VPS13D: variants seen among roughly 807,000 people sequenced by gnomAD.
The protein encoded by VPS13D is vacuolar protein sorting 13 homolog D.
In VPS13D, 187 loss-of-function variants were observed where a neutral mutation model predicts 461.9. That is an observed-to-expected ratio of 0.40 (90% CI 0.36 to 0.46). The LOEUF (loss-of-function observed/expected upper bound fraction) is 0.46, where lower values mean the gene tolerates loss of function less well. Among genes scored for constraint, VPS13D ranks in the 20% least tolerant of loss-of-function variants. The probability of loss-of-function intolerance (pLI) is 0.60; values close to 1 mark genes in which losing one functional copy is unlikely to be tolerated. For synonymous variants in VPS13D, 1,951 were observed against 1,986.3 expected, an observed-to-expected ratio of 0.98 and a Z score of 0.47; for missense variants, 4,711 against 5,364.9, an observed-to-expected ratio of 0.88 and a Z score of 3.81.
At chr1:12,268,604 T>A (rs777304752) in intron 15 of VPS13D, 102 bp from the exon 16 acceptor site, 60 of 1,321,812 alleles carry the variant, frequency 4.5e-5, no homozygotes, top group Non-Finnish European at 6.0e-5. Flanking sequence ...AATTGAAAAA[T>A]AATTTAGAAA....
intron 64 of VPS13D, among the ~76,000 whole-genome samples, chr1:12,415,726 T>C (rs1644785259): frequency 1.3e-5 from 2 of 152,342 alleles, no homozygotes; most frequent in South Asian, 4.1e-4. Flanking sequence ...GTATCAAATT[T>C]AATAGCTTTC....
intron 52 of VPS13D, among the ~76,000 whole-genome samples, chr1:12,366,051 C>T (rs1406896525): frequency 6.6e-6 from 1 of 151,364 alleles, no homozygotes; most frequent in Non-Finnish European, 1.5e-5. Flanking sequence ...GCATGCACCA[C>T]CATGCCTGGC....
chr1:12,396,781 CTATT>C (rs934876004), intron 60 of VPS13D, among the ~76,000 whole-genome samples: 3 of 152,066 alleles, frequency 2.0e-5, no homozygotes, highest in African/African-American at 7.2e-5. Context: ...TAATCGTATC[CTATT>C]TATTTGTGCA....
chr1:12,293,667 T>C lies in VPS13D; in HGVS notation c.5996T>C (p.Val1999Ala). ...CAGCATTTCACTCAGCTGCAGGATG[T>C]CTTAGGGCGCCAGCGAGCTGCTATT... Reference protein sequence around the residue: ...FIQHFTQLQDVLGRQRAAIEG... With the variant: ...FIQHFTQLQDALGRQRAAIEG... Residue 1999 changes from valine (V) to alanine (A), a missense_variant, in exon 24 of 70, where the codon GTC becomes GCC. This residue lies in a region of VPS13D where 4,411 missense variants were observed against 4,937.8 expected (regional missense o/e 0.89). Coordinates refer to ENST00000620676, the MANE Select transcript of VPS13D (RefSeq NM_015378.4). 3 of 1,614,030 alleles carry C rather than the reference T, an allele frequency of 1.9e-6. No homozygotes were observed. The highest frequency in any genetic ancestry group is 2.5e-6 in the Non-Finnish European group (3 of 1,179,984).
intron 29 of VPS13D, 117 bp downstream of exon 29, chr1:12,312,042 GC>G: frequency 3.0e-6 from 2 of 676,478 alleles, no homozygotes; most frequent in South Asian, 2.9e-5. Context: ...AATGTTGTCT[GC>G]AGAGTGTCTT....
At chr1:12,361,371 TTTTATTTATTTA>T (rs926728174) in intron 50 of VPS13D, among the ~76,000 whole-genome samples, 27 of 142,180 alleles carry the variant, frequency 1.9e-4, no homozygotes, top group East Asian at 5.9e-4. Context: ...TTATTTTTAT[TTTTATTTATTTA>T]TTTATTTATT....
chr1:12,325,703 G>T (rs1310987848), intron 35 of VPS13D, among the ~76,000 whole-genome samples: 2 of 152,036 alleles, frequency 1.3e-5, no homozygotes, highest in Non-Finnish European at 2.9e-5. Context: ...TTGTAATTCT[G>T]TTATGATATA....
In VPS13D at chr1:12,308,574, C is replaced by G. The variant is rs767154969; in HGVS notation, c.6583C>G (p.Gln2195Glu). 18 of 1,613,724 alleles carry G rather than the reference C, an allele frequency of 1.1e-5. No individual in the cohort carries two copies. The highest frequency in any genetic ancestry group is 1.5e-5 in the Non-Finnish European group (18 of 1,179,978). ...DLIFPSYFVRQTGGSLLTEPC... is the reference protein window; with the variant it reads ...DLIFPSYFVRETGGSLLTEPC... ...GATCTTCCCTTCCTATTTTGTGCGA[C>G]AGACAGGAGGAAGCCTCTTAACCGA... The change falls in exon 27 of 70, where the codon CAG becomes GAG. Residue 2195 changes from glutamine (Q) to glutamate (E), a missense_variant. Around this residue, in one of 3 missense-constraint regions of VPS13D, gnomAD observed 4,411 missense variants for 4,937.8 expected, o/e 0.89. Transcript: ENST00000620676.
At chr1:12,306,196 G>A (rs561878504) in intron 26 of VPS13D, among the ~76,000 whole-genome samples, 1 of 152,282 alleles carries the variant, frequency 6.6e-6, no homozygotes, top group African/African-American at 2.4e-5. Flanking sequence ...GTGTTAGCCA[G>A]GATGGTCTCG....
chr1:12,378,594 A>G lies in VPS13D; in HGVS notation c.11081+3A>G, dbSNP rs1190332815. On this transcript the variant is annotated splice_donor_region_variant and intron_variant, in intron 56 of 69. Coordinates refer to ENST00000620676, the MANE Select transcript of VPS13D (RefSeq NM_015378.4). ...CTCGCTGCAGTGACTGACAACAGGT[A>G]ATTTTCTAGGCAACTTTTGATTCAA... 9.7e-6 allele frequency: 15 copies of G among 1,541,712 alleles called. 1 individual carries two copies. The highest frequency in any genetic ancestry group is 1.3e-5 in the Non-Finnish European group (15 of 1,141,846).
At chr1:12,310,100 A>AT in intron 27 of VPS13D, among the ~76,000 whole-genome samples, 1 of 152,086 alleles carries the variant, frequency 6.6e-6, no homozygotes, top group South Asian at 2.1e-4. Flanking sequence ...TTTCCAAAAA[A>AT]CAAAAAAAAA....
intron 65 of VPS13D, among the ~76,000 whole-genome samples, chr1:12,437,101 A>G (rs928043796): frequency 2.6e-5 from 4 of 152,242 alleles, no homozygotes; most frequent in Non-Finnish European, 5.9e-5. Flanking sequence ...ACCCTGACTC[A>G]CTTTTTATAT....
chr1:12,398,939 G>T (rs1644535786), intron 60 of VPS13D, among the ~76,000 whole-genome samples: 1 of 152,138 alleles, frequency 6.6e-6, no homozygotes, highest in African/African-American at 2.4e-5. Flanking sequence ...GACCAGCAGT[G>T]TGACCTGAAG....
chr1:12,495,991 C>T lies in VPS13D; in HGVS notation c.12663-1509C>T, dbSNP rs528786792. 1.3e-5 allele frequency among the ~76,000 whole-genome samples: 2 copies of T among 152,308 alleles called. No homozygotes were observed. Among genetic ancestry groups the T allele is most frequent in the African/African-American group, 4.8e-5 (2 of 41,572 alleles). On this transcript the variant is annotated intron_variant, in intron 67 of 69. Coordinates refer to ENST00000620676, the MANE Select transcript of VPS13D (RefSeq NM_015378.4). The surrounding 1 kb of genome is among the most constrained non-coding windows in gnomAD (Gnocchi z 4.0). The stretch of plus-strand genomic sequence containing the variant: ...AGCTTCTCTCCTGATGGGTTAGCAG[C>T]GGCCCCTCTACCGCCCTCCCCACTT...
chr1:12,392,949 TAC>T (rs1353120907), intron 60 of VPS13D, among the ~76,000 whole-genome samples: 1 of 152,190 alleles, frequency 6.6e-6, no homozygotes, highest in Non-Finnish European at 1.5e-5. Flanking sequence ...GCCGGAGTAA[TAC>T]ACCCAAATGA....
intron 60 of VPS13D, among the ~76,000 whole-genome samples, chr1:12,399,700 TC>T (rs1644548689): frequency 6.6e-6 from 1 of 150,438 alleles, no homozygotes; most frequent in South Asian, 2.1e-4. Flanking sequence ...ATGCCTGTAA[TC>T]CCAGCTACTC....
chr1:12,308,170 A>G (rs899518307), intron 26 of VPS13D, among the ~76,000 whole-genome samples: 1 of 152,128 alleles, frequency 6.6e-6, no homozygotes, highest in Non-Finnish European at 1.5e-5. Context: ...GAGACACCGT[A>G]GAACTGTGAC....
intron 52 of VPS13D, among the ~76,000 whole-genome samples, chr1:12,366,427 C>T (rs1373250220): frequency 6.6e-6 from 1 of 152,122 alleles, no homozygotes; most frequent in African/African-American, 2.4e-5. Flanking sequence ...CCTACCTCAA[C>T]CAGCACTTTT....
At chr1:12,234,876 G>T (rs746569291) in intron 2 of VPS13D, among the ~76,000 whole-genome samples, 7 of 152,176 alleles carry the variant, frequency 4.6e-5, no homozygotes, top group Non-Finnish European at 1.0e-4. Flanking sequence ...TTTTAAAATT[G>T]ATTATTGTGA....
Sources: gnomAD v4.1 joint callset for allele counts (sites outside exome capture counted in the v4.1 genomes callset) on GRCh38, gnomAD v4.1.1 for gene constraint, gnomAD v4.1.1 regional missense constraint, Gnocchi (gnomAD v3.1) non-coding constraint, MANE v1.5 for transcripts, NCBI Gene and HGNC (gene_info 2026-07-23, HGNC 2026-07-21) for gene names.